KIAA1958: variants seen among roughly 807,000 people sequenced by gnomAD.
The protein encoded by KIAA1958 is KIAA1958, also known as uncharacterized protein KIAA1958.
Under a neutral mutation model 47.2 loss-of-function variants are expected in KIAA1958, and 14 were observed. The ratio of observed to expected loss-of-function variants is 0.30; its 90% confidence interval spans 0.20 to 0.46. The LOEUF (loss-of-function observed/expected upper bound fraction) is 0.46. Ranked by LOEUF, KIAA1958 falls within the 20% of genes least tolerant of loss-of-function variation. The probability of loss-of-function intolerance (pLI) is 1.00; values close to 1 mark genes in which losing one functional copy is unlikely to be tolerated. For synonymous variants in KIAA1958, 354 were observed against 353.3 expected, an observed-to-expected ratio of 1.00 and a Z score of -0.02; for missense variants, 803 against 909.2, an observed-to-expected ratio of 0.88 and a Z score of 1.50.
intron 1 of KIAA1958, among the ~76,000 whole-genome samples, chr9:112,553,460 C>T (rs1372638963): frequency 6.6e-6 from 1 of 152,064 alleles, no homozygotes; most frequent in Non-Finnish European, 1.5e-5. Flanking sequence ...TGTGAGCCAC[C>T]GCACCTGGCC....
intron 2 of KIAA1958, among the ~76,000 whole-genome samples, chr9:112,627,215 A>G (rs1378060225): frequency 2.0e-5 from 3 of 152,228 alleles, no homozygotes; most frequent in Admixed American, 2.0e-4. Context: ...GAAAGCAAAA[A>G]ACATTTGCAA....
intron 2 of KIAA1958, among the ~76,000 whole-genome samples, chr9:112,634,787 T>C (rs918871991): frequency 6.6e-6 from 1 of 152,340 alleles, no homozygotes; most frequent in African/African-American, 2.4e-5. Context: ...GTTTATCCAC[T>C]TTTTACTTTT....
intron 2 of KIAA1958, among the ~76,000 whole-genome samples, chr9:112,587,726 A>G (rs1835850273): frequency 6.6e-6 from 1 of 152,180 alleles, no homozygotes; most frequent in African/African-American, 2.4e-5. Context: ...TCATGGTAAT[A>G]CATATATATG....
chr9:112,614,420 TAAA>T (rs1053869827), intron 2 of KIAA1958, among the ~76,000 whole-genome samples: 1 of 152,224 alleles, frequency 6.6e-6, no homozygotes, highest in Non-Finnish European at 1.5e-5. Context: ...TTACACCTAT[TAAA>T]AAGATTTTAA....
chr9:112,495,086 A>AT (rs527464296), intron 1 of KIAA1958, among the ~76,000 whole-genome samples: 1,940 of 145,194 alleles, frequency 0.013, 14 homozygotes, highest in South Asian at 0.023. Context: ...TACCAGCTGA[A>AT]TTTTTTTTTT....
At chr9:112,545,804 T>C (rs942405356) in intron 1 of KIAA1958, among the ~76,000 whole-genome samples, 1 of 148,492 alleles carries the variant, frequency 6.7e-6, no homozygotes, top group African/African-American at 2.5e-5. Context: ...AATATTTCTT[T>C]AGTGATACAC....
intron 2 of KIAA1958, among the ~76,000 whole-genome samples, chr9:112,587,977 CAATT>C (rs759711888): frequency 3.3e-5 from 5 of 152,132 alleles, no homozygotes; most frequent in Admixed American, 2.0e-4. Flanking sequence ...TTAAAATACA[CAATT>C]AAGCAGTAGA....
intron 1 of KIAA1958, among the ~76,000 whole-genome samples, chr9:112,533,520 G>A (rs1180232878): frequency 2.7e-5 from 4 of 145,896 alleles, no homozygotes; most frequent in Non-Finnish European, 5.9e-5. Flanking sequence ...GACGGAGCTT[G>A]CAGTGAGCCA....
chr9:112,568,217 A>G (rs965350574), intron 1 of KIAA1958, among the ~76,000 whole-genome samples: 1 of 152,176 alleles, frequency 6.6e-6, no homozygotes, highest in African/African-American at 2.4e-5. Context: ...TTCAGGAAGA[A>G]ATAGCTTTTA....
intron 3 of KIAA1958, among the ~76,000 whole-genome samples, chr9:112,654,655 C>T (rs558086069): frequency 2.7e-5 from 4 of 149,808 alleles, no homozygotes; most frequent in African/African-American, 9.9e-5. Context: ...GAGCTTACCA[C>T]CTGCAAGTAG....
chr9:112,581,139 C>G (rs929737230), intron 2 of KIAA1958, among the ~76,000 whole-genome samples: 4 of 152,090 alleles, frequency 2.6e-5, no homozygotes, highest in African/African-American at 9.7e-5. Flanking sequence ...TCCTGCTGGC[C>G]TTGTGACCTT....
chr9:112,611,569 T>A (rs1467281312), intron 2 of KIAA1958, among the ~76,000 whole-genome samples: 2 of 151,484 alleles, frequency 1.3e-5, no homozygotes, highest in Non-Finnish European at 2.9e-5. Flanking sequence ...ATCAAAAAGC[T>A]GTTTGGGAGA....
Position 112,574,347 on chromosome 9 carries a change from G to T in KIAA1958, c.267G>T (p.Gly89=). ...SFNSDSPSII[G]VPSETQTSPV... ...ACTCTGATAGTCCCAGTATAATCGG[G>T]GTGCCCTCTGAGACACAGACTAGCC... Residue 89 remains glycine (G), a synonymous_variant, in exon 2 of 4, where the codon GGG becomes GGT. Coordinates refer to ENST00000337530, the MANE Select transcript of KIAA1958 (RefSeq NM_133465.4). The T allele has an allele frequency of 6.2e-7, 1 of 1,614,126 alleles. No individual in the cohort carries two copies. Among genetic ancestry groups the T allele is most frequent in the East Asian group, 2.2e-5 (1 of 44,872 alleles).
intron 2 of KIAA1958, among the ~76,000 whole-genome samples, chr9:112,610,132 TTTA>T (rs556178019): frequency 8.5e-4 from 129 of 152,222 alleles, no homozygotes; most frequent in African/African-American, 2.9e-3. Flanking sequence ...TTCAAAAGTT[TTTA>T]TTATGAAATC....
intron 1 of KIAA1958, among the ~76,000 whole-genome samples, chr9:112,541,542 G>A (rs986976131): frequency 4.6e-5 from 7 of 152,000 alleles, no homozygotes; most frequent in African/African-American, 1.2e-4. Flanking sequence ...GGCAGCTCAC[G>A]CCTGTAATCC....
intron 1 of KIAA1958, among the ~76,000 whole-genome samples, chr9:112,568,159 A>G (rs1021627551): frequency 6.6e-6 from 1 of 152,190 alleles, no homozygotes; most frequent in Non-Finnish European, 1.5e-5. Flanking sequence ...ACTCAGGTAT[A>G]CTAATGACAG....
Position 112,618,215 on chromosome 9 carries a change from C to T in KIAA1958, c.1172-27435C>T, listed in dbSNP as rs1836439315. 4 of 1,550,514 alleles carry T rather than the reference C, an allele frequency of 2.6e-6. No homozygotes were observed. Among genetic ancestry groups the T allele is most frequent in the Non-Finnish European group, 3.5e-6 (4 of 1,147,036 alleles). On this transcript the variant is annotated intron_variant, in intron 2 of 3. Transcript: ENST00000337530. This position sits in a 1 kb window ranked among gnomAD's most constrained non-coding sequence, Gnocchi z 7.1. The stretch of plus-strand genomic sequence containing the variant: ...CCTGAAGCAGAAGCAAATTGAACTC[C>T]GCTGTAAAGGAAAAGGAAATAAGCC...
intron 3 of KIAA1958, among the ~76,000 whole-genome samples, chr9:112,646,705 G>C (rs1189405374): frequency 2.0e-5 from 3 of 152,160 alleles, no homozygotes; most frequent in African/African-American, 7.2e-5. Context: ...ACTGTAAATA[G>C]CTACTGTACT....
At chr9:112,494,934 A>T (rs1587987531) in intron 1 of KIAA1958, among the ~76,000 whole-genome samples, 1 of 151,700 alleles carries the variant, frequency 6.6e-6, no homozygotes, top group East Asian at 1.9e-4. Context: ...GTTCTTCCAT[A>T]GCTTCTATCA....
Sources: allele counts gnomAD v4.1 joint callset (sites outside exome capture counted in the v4.1 genomes callset), GRCh38; gene constraint gnomAD v4.1.1; non-coding constraint Gnocchi (gnomAD v3.1); transcripts MANE v1.5; gene names NCBI Gene and HGNC (gene_info 2026-07-23, HGNC 2026-07-21).